Variants in TMEM74 observed in about 807,000 individuals in gnomAD.
The protein encoded by TMEM74 is transmembrane protein 74.
Under a neutral mutation model 18.1 loss-of-function variants are expected in TMEM74, and 13 were observed. The ratio of observed to expected loss-of-function variants is 0.72; its 90% CI spans 0.47 to 1.14. The LOEUF is 1.14. Ranked by LOEUF, TMEM74 falls within the 50% of genes most tolerant of loss-of-function variation. TMEM74 has a pLI of 0.00. For missense variants in TMEM74, 372 were observed against 375.9 expected (o/e 0.99, Z 0.09); for synonymous variants, 159 against 146.6 (o/e 1.08, Z -0.61).
intron 1 of TMEM74, among the ~76,000 whole-genome samples, chr8:108,662,756 A>T (rs1812913166): frequency 1.3e-5 from 2 of 152,244 alleles, no homozygotes; most frequent in South Asian, 2.1e-4. Context: ...ATGCATAAAA[A>T]GCTCTGGGGA....
At chr8:108,694,577 A>G (rs1813262421) in intron 1 of TMEM74, among the ~76,000 whole-genome samples, 1 of 152,220 alleles carries the variant, frequency 6.6e-6, no homozygotes, top group South Asian at 2.1e-4. Context: ...CACCTTATTC[A>G]TCTGTCTCCT....
rs115651218 is a variant in TMEM74 at position 108,623,638 on chromosome 8, C to T, written n.265-14812G>A. Among the ~76,000 whole-genome samples the T allele has an allele frequency of 5.6e-3, 855 of 152,156 alleles. 6 individuals are homozygous for T. The highest frequency in any genetic ancestry group is 0.02 in the African/African-American group (825 of 41,540). On this transcript the variant is annotated intron_variant and non_coding_transcript_variant, in intron 2 of 3. Transcript: ENST00000518838. ...TAAGTATCTTTCACTCCTAATTGAT[C>T]AGTTGCAAGTGCAAATAGAGTTTGA... is the stretch of plus-strand genomic sequence containing the variant.
At chr8:108,735,962 G>C (rs1259664403) in intron 1 of TMEM74, among the ~76,000 whole-genome samples, 1 of 151,656 alleles carries the variant, frequency 6.6e-6, no homozygotes, top group Non-Finnish European at 1.5e-5. Context: ...TTGCTCACTT[G>C]ACAACTCTCA....
At chr8:108,761,274 A>C (rs575311495) in intron 1 of TMEM74, among the ~76,000 whole-genome samples, 1 of 152,072 alleles carries the variant, frequency 6.6e-6, no homozygotes, top group South Asian at 2.1e-4. Context: ...TAGGTTTTCT[A>C]ATCTCTTTAC....
At chr8:108,773,095 G>T (rs1228156218) in intron 1 of TMEM74, among the ~76,000 whole-genome samples, 1 of 152,054 alleles carries the variant, frequency 6.6e-6, no homozygotes, top group Non-Finnish European at 1.5e-5. Flanking sequence ...GCACTGAAAA[G>T]GAGAGGAAGA....
intron 1 of TMEM74, among the ~76,000 whole-genome samples, chr8:108,687,743 A>G (rs1044221035): frequency 2.0e-5 from 3 of 152,068 alleles, no homozygotes; most frequent in African/African-American, 4.8e-5. Flanking sequence ...TCATACTCCT[A>G]TGAGAATCTA....
chr8:108,690,476 GT>G (rs112620036), intron 1 of TMEM74, among the ~76,000 whole-genome samples: 4,369 of 151,604 alleles, frequency 0.029, 119 homozygotes, highest in African/African-American at 0.064. Context: ...GGCAAGGCAG[GT>G]TTTTTGTTTT....
chr8:108,624,725 C>G (rs1365056323), intron 2 of TMEM74, among the ~76,000 whole-genome samples: 1 of 151,934 alleles, frequency 6.6e-6, no homozygotes, highest in Non-Finnish European at 1.5e-5. Flanking sequence ...TCAGCCATAT[C>G]TACGTTTTCC....
At chr8:108,660,853 C>A (rs1001142716) in intron 1 of TMEM74, among the ~76,000 whole-genome samples, 1 of 152,024 alleles carries the variant, frequency 6.6e-6, no homozygotes, top group Non-Finnish European at 1.5e-5. Context: ...ATATTTGTAG[C>A]TCCAGTTTGC....
At chr8:108,733,006 G>A (rs542764922) in intron 1 of TMEM74, among the ~76,000 whole-genome samples, 1 of 152,104 alleles carries the variant, frequency 6.6e-6, no homozygotes, top group Admixed American at 6.5e-5. Flanking sequence ...ACAATGTCAA[G>A]CATTTTAGAG....
At chr8:108,707,913 T>G (rs1427614063) in intron 1 of TMEM74, among the ~76,000 whole-genome samples, 1 of 152,172 alleles carries the variant, frequency 6.6e-6, no homozygotes, top group Non-Finnish European at 1.5e-5. Context: ...GGGGTACACA[T>G]CAGGTTTGTT....
intron 1 of TMEM74, among the ~76,000 whole-genome samples, chr8:108,688,387 G>T (rs1259049904): frequency 1.3e-5 from 2 of 152,206 alleles, no homozygotes. Context: ...AATCAAGGAT[G>T]TTCCAAGGCT....
intron 1 of TMEM74, among the ~76,000 whole-genome samples, chr8:108,741,744 G>C (rs1813803237): frequency 6.6e-6 from 1 of 152,132 alleles, no homozygotes; most frequent in South Asian, 2.1e-4. Flanking sequence ...GGGAAACAAG[G>C]ATACCTTACT....
At chr8:108,725,050 C>T (rs1315424902) in intron 1 of TMEM74, among the ~76,000 whole-genome samples, 2 of 152,280 alleles carry the variant, frequency 1.3e-5, no homozygotes, top group Non-Finnish European at 2.9e-5. Context: ...CCAAACTCTC[C>T]TTTCTTCTCT....
At chr8:108,766,679 TCA>T (rs539696342) in intron 1 of TMEM74, among the ~76,000 whole-genome samples, 136 of 152,226 alleles carry the variant, frequency 8.9e-4, no homozygotes, top group African/African-American at 3.2e-3. Flanking sequence ...GAAAATGGAC[TCA>T]CACAATCGCA....
intron 2 of TMEM74, chr8:108,626,915 T>C (rs1203460997): frequency 1.3e-5 from 2 of 152,028 alleles, no homozygotes; most frequent in East Asian, 3.9e-4. Flanking sequence ...AAGAAATCCA[T>C]AAATGATTTC....
chr8:108,642,914 A>G (rs1039168), intron 2 of TMEM74, among the ~76,000 whole-genome samples: 5 of 152,182 alleles, frequency 3.3e-5, no homozygotes, highest in Non-Finnish European at 7.3e-5. Context: ...TAAAATTAGA[A>G]TGATAATCCC....
chr8:108,642,127 C>T (rs577614770), intron 2 of TMEM74, among the ~76,000 whole-genome samples: 4 of 151,950 alleles, frequency 2.6e-5, no homozygotes, highest in East Asian at 1.9e-4. Flanking sequence ...GGCCAGGCGC[C>T]GTGGCTCATG....
At chr8:108,716,793 A>C (rs796950981) in intron 1 of TMEM74, among the ~76,000 whole-genome samples, 8 of 151,922 alleles carry the variant, frequency 5.3e-5, no homozygotes, top group Non-Finnish European at 8.8e-5. Context: ...TTAAAAAAAA[A>C]CAAAAAATAC....
Sources: gnomAD v4.1 joint callset for allele counts (sites outside exome capture counted in the v4.1 genomes callset) on GRCh38, gnomAD v4.1.1 for gene constraint, MANE v1.5 for transcripts, NCBI Gene and HGNC (gene_info 2026-07-23, HGNC 2026-07-21) for gene names.